MGAT5: variants seen among roughly 807,000 people sequenced by gnomAD.
The protein encoded by MGAT5 is alpha-1,6-mannosylglycoprotein 6-beta-N-acetylglucosaminyltransferase A.
MGAT5 carries 30 observed loss-of-function variants against 94.3 expected under a neutral mutation model. The observed-to-expected ratio is 0.32, with a 90% CI of 0.24 to 0.43. The LOEUF (loss-of-function observed/expected upper bound fraction) is 0.43, where lower values mean the gene tolerates loss of function less well. Ranked by LOEUF, MGAT5 falls within the 20% of genes least tolerant of loss-of-function variation. The pLI is 1.00. For missense variants in MGAT5, 691 were observed against 905.5 expected (o/e 0.76, Z 3.04); for synonymous variants, 310 against 322.9 (o/e 0.96, Z 0.43).
chr2:134,290,758 G>T (rs941008018), intron 2 of MGAT5, among the ~76,000 whole-genome samples: 5 of 152,114 alleles, frequency 3.3e-5, no homozygotes, highest in African/African-American at 1.2e-4. Flanking sequence ...ACATGGGAGA[G>T]ATTGAGCTGC....
intron 2 of MGAT5, among the ~76,000 whole-genome samples, chr2:134,305,347 T>C (rs1429155278): frequency 2.0e-5 from 3 of 152,152 alleles, no homozygotes; most frequent in Non-Finnish European, 2.9e-5. Context: ...AGAATCCCTG[T>C]TTCTAACCAA....
At chr2:134,332,941 G>T (rs1165842290) in intron 4 of MGAT5, among the ~76,000 whole-genome samples, 1 of 152,144 alleles carries the variant, frequency 6.6e-6, no homozygotes, top group Admixed American at 6.5e-5. Context: ...AACAACAGGT[G>T]CTGTAGAGGA....
At chr2:134,381,532 C>CAGAT (rs1342885922) in intron 10 of MGAT5, among the ~76,000 whole-genome samples, 39 of 36,122 alleles carry the variant, frequency 1.1e-3, no homozygotes, top group South Asian at 9.8e-3. Context: ...GACAGACAGA[C>CAGAT]AGACAGATAG....
At chr2:134,266,722 C>G (rs1403108963) in intron 1 of MGAT5, among the ~76,000 whole-genome samples, 1 of 152,174 alleles carries the variant, frequency 6.6e-6, no homozygotes, top group African/African-American at 2.4e-5. Flanking sequence ...TATAATGATA[C>G]AGATATGGGC....
At chr2:134,403,822 C>A (rs1683193096) in intron 11 of MGAT5, among the ~76,000 whole-genome samples, 1 of 152,168 alleles carries the variant, frequency 6.6e-6, no homozygotes, top group Admixed American at 6.5e-5. Flanking sequence ...ATGTGAGGGT[C>A]TGATTGGCAC....
chr2:134,442,536 G>T (rs1685542586), intron 15 of MGAT5, among the ~76,000 whole-genome samples: 2 of 152,162 alleles, frequency 1.3e-5, no homozygotes, highest in Admixed American at 1.3e-4. Flanking sequence ...GGGGTCTCTT[G>T]GTAATGAGGC....
At chr2:134,438,762 T>G (rs1685311927) in intron 14 of MGAT5, among the ~76,000 whole-genome samples, 1 of 152,298 alleles carries the variant, frequency 6.6e-6, no homozygotes, top group Middle Eastern at 3.4e-3. Context: ...TCTCTGGTGG[T>G]GCCCAGGGCT....
intron 10 of MGAT5, among the ~76,000 whole-genome samples, chr2:134,372,183 T>C (rs951156756): frequency 6.6e-6 from 1 of 152,348 alleles, no homozygotes; most frequent in African/African-American, 2.4e-5. Context: ...GTGTGGTATA[T>C]GGCTGCCATG....
At chr2:134,398,059 G>C (rs575260554) in intron 10 of MGAT5, among the ~76,000 whole-genome samples, 26 of 152,292 alleles carry the variant, frequency 1.7e-4, no homozygotes, top group African/African-American at 5.8e-4. Context: ...AGGAGGAGCT[G>C]CCACAGGCTG....
At chr2:134,429,647 A>G (rs1174389941) in intron 14 of MGAT5, among the ~76,000 whole-genome samples, 1 of 152,190 alleles carries the variant, frequency 6.6e-6, no homozygotes, top group Non-Finnish European at 1.5e-5. Context: ...GCAAACTGGT[A>G]CTGTTGATTA....
intron 11 of MGAT5, among the ~76,000 whole-genome samples, chr2:134,410,987 A>G (rs1344236211): frequency 6.6e-6 from 1 of 152,180 alleles, no homozygotes; most frequent in African/African-American, 2.4e-5. Flanking sequence ...TCCTCTCCAA[A>G]GTCTGATAGG....
chr2:134,184,634 A>G (rs1688910686), intron 1 of MGAT5, among the ~76,000 whole-genome samples: 1 of 152,114 alleles, frequency 6.6e-6, no homozygotes, highest in Non-Finnish European at 1.5e-5. Flanking sequence ...CAGGATCCAC[A>G]ATGGTGCTTG....
At chr2:134,133,919 A>G (rs1044203467) in intron 1 of MGAT5, among the ~76,000 whole-genome samples, 1 of 152,164 alleles carries the variant, frequency 6.6e-6, no homozygotes, top group Non-Finnish European at 1.5e-5. Flanking sequence ...ATTTTAAGCC[A>G]TCCTTTAAAA....
intron 1 of MGAT5, among the ~76,000 whole-genome samples, chr2:134,127,497 C>CA (rs1685897816): frequency 8.0e-6 from 1 of 124,544 alleles, no homozygotes; most frequent in Non-Finnish European, 1.7e-5. Flanking sequence ...AAAAGGTTTC[C>CA]CCCCCCCCCA....
At chr2:134,246,881 T>A (rs1682301356) in intron 1 of MGAT5, among the ~76,000 whole-genome samples, 1 of 152,268 alleles carries the variant, frequency 6.6e-6, no homozygotes, top group Non-Finnish European at 1.5e-5. Flanking sequence ...GACGTTGTCT[T>A]CCAGTCTGTA....
rs1688447266 is a variant in MGAT5 at position 134,338,333 on chromosome 2, A to G, written c.720A>G (p.Leu240=). The G allele has an allele frequency of 1.2e-6, 2 of 1,613,176 alleles. No individual in the cohort carries two copies. Among genetic ancestry groups the G allele is most frequent in the East Asian group, 2.2e-5 (1 of 44,800 alleles). ...KKHEEFRWMR[L]RIRRMADAWI... ...ATGAAGAATTCCGGTGGATGAGACT[A>G]CGGATCCGGCGAATGGCTGACGCAT... Residue 240 remains leucine, a synonymous_variant, in exon 6 of 16, where the codon CTA becomes CTG. Transcript: ENST00000281923.
At chr2:134,146,558 TA>T (rs11323114) in intron 1 of MGAT5, among the ~76,000 whole-genome samples, 12,493 of 147,410 alleles carry the variant, frequency 0.085, 1,121 homozygotes, top group African/African-American at 0.23. Flanking sequence ...GGACCCTATT[TA>T]AAAAAAAAAA....
chr2:134,173,480 C>T (rs1395771411), intron 1 of MGAT5, among the ~76,000 whole-genome samples: 3 of 152,204 alleles, frequency 2.0e-5, no homozygotes, highest in East Asian at 1.9e-4. Context: ...GCGATTCTCA[C>T]GCCAGTATCT....
intron 10 of MGAT5, among the ~76,000 whole-genome samples, chr2:134,368,208 G>C (rs115551560): frequency 1.9e-3 from 282 of 152,334 alleles, no homozygotes; most frequent in South Asian, 0.015. Context: ...GGTCTCTCTG[G>C]GTGAGCTAAG....
Sources: allele counts gnomAD v4.1 joint callset (sites outside exome capture counted in the v4.1 genomes callset), GRCh38; gene constraint gnomAD v4.1.1; transcripts MANE v1.5; gene names NCBI Gene and HGNC (gene_info 2026-07-23, HGNC 2026-07-21).